PTPRT: variants seen among roughly 807,000 people sequenced by gnomAD.
PTPRT encodes receptor-type tyrosine-protein phosphatase T.
Under a neutral mutation model 176.8 loss-of-function variants are expected in PTPRT, and 56 were observed. That is an observed-to-expected ratio of 0.32 (90% CI 0.26 to 0.40). PTPRT has a LOEUF of 0.40. Among genes scored for constraint, PTPRT ranks in the 10% least tolerant of loss-of-function variants. The probability of loss-of-function intolerance (pLI) is 1.00; values close to 1 mark genes in which losing one functional copy is unlikely to be tolerated. For missense variants in PTPRT, 1,540 were observed against 1,908.2 expected (o/e 0.81, Z 3.60); for synonymous variants, 783 against 739.0 (o/e 1.06, Z -0.96).
chr20:42,631,039 C>A (rs1362667656), intron 7 of PTPRT, among the ~76,000 whole-genome samples: 1 of 152,092 alleles, frequency 6.6e-6, no homozygotes, highest in Non-Finnish European at 1.5e-5. Context: ...AAAATCCTCG[C>A]CTAATAAAAT....
intron 2 of PTPRT, among the ~76,000 whole-genome samples, chr20:42,825,979 A>G (rs1165219511): frequency 1.3e-5 from 2 of 152,134 alleles, no homozygotes; most frequent in African/African-American, 4.8e-5. Context: ...TGTATAAGAA[A>G]TGTTAAGACA....
chr20:43,125,162 ATTTT>A (rs11477178), intron 1 of PTPRT, among the ~76,000 whole-genome samples: 1 of 145,318 alleles, frequency 6.9e-6, no homozygotes. Flanking sequence ...CACCTAGCTG[ATTTT>A]TTTTTTTTTT....
At chr20:42,638,765 T>C (rs2074668792) in intron 7 of PTPRT, among the ~76,000 whole-genome samples, 2 of 152,166 alleles carry the variant, frequency 1.3e-5, no homozygotes, top group African/African-American at 4.8e-5. Flanking sequence ...TTTGCTTAAA[T>C]TTTAGTCACA....
At chr20:42,287,268 G>T (rs912473316) in intron 12 of PTPRT, among the ~76,000 whole-genome samples, 3 of 151,812 alleles carry the variant, frequency 2.0e-5, no homozygotes, top group African/African-American at 7.2e-5. Flanking sequence ...TCAATATATT[G>T]AGGAGACATC....
At chr20:43,043,945 A>G (rs1018102593) in intron 1 of PTPRT, among the ~76,000 whole-genome samples, 1 of 152,084 alleles carries the variant, frequency 6.6e-6, no homozygotes, top group African/African-American at 2.4e-5. Flanking sequence ...ATCCCACCAC[A>G]GAGAACAGCT....
intron 6 of PTPRT, among the ~76,000 whole-genome samples, chr20:42,710,766 G>A (rs1037102662): frequency 6.6e-6 from 1 of 152,240 alleles, no homozygotes; most frequent in Non-Finnish European, 1.5e-5. Flanking sequence ...CAGAATGGTA[G>A]AGCCACCAGC....
intron 1 of PTPRT, among the ~76,000 whole-genome samples, chr20:43,115,649 G>A (rs777672397): frequency 2.5e-4 from 38 of 152,058 alleles, no homozygotes; most frequent in Admixed American, 2.0e-3. Flanking sequence ...ACAGAACAGC[G>A]CCCACAACAA....
intron 7 of PTPRT, among the ~76,000 whole-genome samples, chr20:42,626,197 T>C (rs1184028143): frequency 6.6e-6 from 1 of 152,120 alleles, no homozygotes; most frequent in Non-Finnish European, 1.5e-5. Flanking sequence ...AAAAAAAAGC[T>C]ATCAAAAACT....
At chr20:42,044,137 G>A in the PTPRT span, among the ~76,000 whole-genome samples, 1 of 152,282 alleles carries the variant, frequency 6.6e-6, no homozygotes, top group African/African-American at 2.4e-5. Flanking sequence ...AACATGGGGT[G>A]GTTGTTTCCC....
At chr20:42,732,373 C>A (rs1342923896) in intron 6 of PTPRT, among the ~76,000 whole-genome samples, 2 of 152,116 alleles carry the variant, frequency 1.3e-5, no homozygotes, top group Admixed American at 6.5e-5. Context: ...GGATACCTAT[C>A]CATAGTGCCT....
At chr20:42,295,703 T>C (rs2057376811) in intron 12 of PTPRT, among the ~76,000 whole-genome samples, 1 of 152,158 alleles carries the variant, frequency 6.6e-6, no homozygotes, top group Non-Finnish European at 1.5e-5. Flanking sequence ...TTTATTGTTG[T>C]ACAGGCAGTG....
chr20:42,519,569 T>G, intron 7 of PTPRT, among the ~76,000 whole-genome samples: 1 of 152,134 alleles, frequency 6.6e-6, no homozygotes, highest in East Asian at 1.9e-4. Flanking sequence ...CTAATCTACA[T>G]TTAATAGGGC....
chr20:42,634,010 TA>T (rs1301668207), intron 7 of PTPRT, among the ~76,000 whole-genome samples: 3 of 15,966 alleles, frequency 1.9e-4, no homozygotes, highest in South Asian at 1.5e-3. Context: ...TATATATATA[TA>T]ATATATATAT....
intron 9 of PTPRT, among the ~76,000 whole-genome samples, chr20:42,377,735 T>C (rs1202430782): frequency 7.2e-5 from 11 of 152,172 alleles, no homozygotes; most frequent in Non-Finnish European, 1.3e-4. Flanking sequence ...AGACATTTCC[T>C]AGCGCTGAGC....
At chr20:42,095,589 T>C (rs187754690) in intron 27 of PTPRT, among the ~76,000 whole-genome samples, 93 of 152,340 alleles carry the variant, frequency 6.1e-4, no homozygotes, top group African/African-American at 2.2e-3. Flanking sequence ...ACATTCTATG[T>C]CCCAGATCCA....
chr20:42,319,641 G>C (rs2057771679), intron 11 of PTPRT, among the ~76,000 whole-genome samples: 1 of 152,218 alleles, frequency 6.6e-6, no homozygotes, highest in Admixed American at 6.5e-5. Context: ...TGAAGAGGTG[G>C]AGAGAAGAAA....
At chr20:42,578,908 GGGGTC>G (rs1187488812) in intron 7 of PTPRT, among the ~76,000 whole-genome samples, 1 of 149,912 alleles carries the variant, frequency 6.7e-6, no homozygotes, top group Non-Finnish European at 1.5e-5. Flanking sequence ...TTTTTGGGGG[GGGGTC>G]GGTTTTTATT....
At chr20:43,159,784 C>G (rs763893692) in intron 1 of PTPRT, among the ~76,000 whole-genome samples, 1 of 152,030 alleles carries the variant, frequency 6.6e-6, no homozygotes, top group Admixed American at 6.5e-5. Flanking sequence ...ATAGTGAGGA[C>G]GGAGGTTTGT....
At chr20:42,144,205 G>T (rs746194862) in intron 17 of PTPRT, among the ~76,000 whole-genome samples, 29 of 152,200 alleles carry the variant, frequency 1.9e-4, no homozygotes, top group African/African-American at 6.3e-4. Context: ...AAGAACTGAG[G>T]GGGGAGAGAT....
Sources: allele counts gnomAD v4.1 joint callset (sites outside exome capture counted in the v4.1 genomes callset), GRCh38; gene constraint gnomAD v4.1.1; transcripts MANE v1.5; gene names NCBI Gene and HGNC (gene_info 2026-07-23, HGNC 2026-07-21).